Variants in MLIP observed in about 807,000 individuals in gnomAD.
The protein encoded by MLIP is muscular LMNA-interacting protein.
In MLIP, 79 loss-of-function variants were observed where a neutral mutation model predicts 84.8. The ratio of observed to expected loss-of-function variants is 0.93; its 90% confidence interval spans 0.78 to 1.12. The LOEUF (loss-of-function observed/expected upper bound fraction) is 1.12, where lower values mean the gene tolerates loss of function less well. MLIP is among the 50% of genes most tolerant of loss of function. MLIP has a pLI of 0.00. For missense variants in MLIP, 1,257 were observed against 1,160.6 expected (o/e 1.08, Z -1.21); for synonymous variants, 504 against 463.0 (o/e 1.09, Z -1.14).
At chr6:54,026,076 G>A (rs1763784890) in intron 1 of MLIP, among the ~76,000 whole-genome samples, 1 of 152,162 alleles carries the variant, frequency 6.6e-6, no homozygotes, top group Non-Finnish European at 1.5e-5. Context: ...GAAGGCAACT[G>A]GAGGGAATTC....
intron 1 of MLIP, among the ~76,000 whole-genome samples, chr6:54,020,122 G>A (rs1295399189): frequency 1.3e-5 from 2 of 152,164 alleles, no homozygotes; most frequent in Non-Finnish European, 2.9e-5. Flanking sequence ...GCTAACCAGG[G>A]ATTTTGAATC....
intron 11 of MLIP, 129 bp downstream of exon 11, chr6:54,202,362 G>A (rs988803378): frequency 2.4e-4 from 98 of 406,934 alleles, no homozygotes; most frequent in Non-Finnish European, 3.3e-4. Context: ...GTATGCGTAA[G>A]AACATGTTCA....
intron 4 of MLIP, among the ~76,000 whole-genome samples, chr6:54,141,394 C>T (rs746164437): frequency 2.0e-5 from 3 of 148,422 alleles, no homozygotes; most frequent in Non-Finnish European, 4.4e-5. Flanking sequence ...GCAACCTCTG[C>T]CTCCTGGGTT....
chr6:54,132,848 G>A (rs1246210297), intron 3 of MLIP, among the ~76,000 whole-genome samples: 2 of 152,136 alleles, frequency 1.3e-5, no homozygotes, highest in African/African-American at 2.4e-5. Context: ...CTCAGCTTGC[G>A]CCCTTGTACA....
intron 9 of MLIP, among the ~76,000 whole-genome samples, chr6:54,188,911 T>C (rs1290741582): frequency 6.6e-6 from 1 of 152,184 alleles, no homozygotes; most frequent in Non-Finnish European, 1.5e-5. Flanking sequence ...ACAACATTTA[T>C]GCCAACAACA....
At chr6:54,042,041 A>G (rs1197418011) in intron 1 of MLIP, among the ~76,000 whole-genome samples, 1 of 152,032 alleles carries the variant, frequency 6.6e-6, no homozygotes, top group African/African-American at 2.4e-5. Flanking sequence ...TAATTCATAT[A>G]GGGTTTGTGG....
intron 11 of MLIP, among the ~76,000 whole-genome samples, chr6:54,210,779 G>A (rs1779398426): frequency 6.7e-6 from 1 of 150,132 alleles, no homozygotes. Flanking sequence ...CATCCTAAGT[G>A]GAATTTAATT....
At chr6:54,205,893 T>C (rs1311816859) in intron 11 of MLIP, among the ~76,000 whole-genome samples, 9 of 152,238 alleles carry the variant, frequency 5.9e-5, no homozygotes, top group African/African-American at 2.2e-4. Flanking sequence ...TGCCAATTTG[T>C]GGTGCTTTTC....
chr6:54,100,221 A>T (rs1768540386), intron 1 of MLIP, among the ~76,000 whole-genome samples: 1 of 152,104 alleles, frequency 6.6e-6, no homozygotes. Flanking sequence ...TGTTTTCTTT[A>T]TGGAAGTGAT....
At chr6:54,204,068 A>G (rs1322233636) in intron 11 of MLIP, among the ~76,000 whole-genome samples, 1 of 152,226 alleles carries the variant, frequency 6.6e-6, no homozygotes, top group Admixed American at 6.5e-5. Flanking sequence ...GTTTTTATTT[A>G]CAAAATTCAG....
chr6:54,253,520 C>T (rs1782783203), intron 12 of MLIP, among the ~76,000 whole-genome samples: 1 of 152,156 alleles, frequency 6.6e-6, no homozygotes, highest in South Asian at 2.1e-4. Flanking sequence ...AGAACTGTTT[C>T]ACAAAAGCTA....
intron 8 of MLIP, among the ~76,000 whole-genome samples, 191 bp downstream of exon 8, chr6:54,160,990 T>A (rs889752429): frequency 6.6e-6 from 1 of 152,102 alleles, no homozygotes; most frequent in African/African-American, 2.4e-5. Context: ...TTGTTGACAT[T>A]TGTTTACATG....
intron 1 of MLIP, 113 bp from the exon 2 acceptor site, chr6:54,121,334 G>T: frequency 8.9e-7 from 1 of 1,129,256 alleles, no homozygotes. Flanking sequence ...CATGATCACA[G>T]GACAATAGGC....
intron 12 of MLIP, among the ~76,000 whole-genome samples, chr6:54,240,237 C>T (rs1227110567): frequency 1.3e-5 from 2 of 152,196 alleles, no homozygotes; most frequent in Non-Finnish European, 2.9e-5. Context: ...CAGCTTTATA[C>T]ATTTTTTAGC....
intron 12 of MLIP, among the ~76,000 whole-genome samples, chr6:54,233,866 CT>C (rs1336496895): frequency 6.6e-6 from 1 of 152,108 alleles, no homozygotes; most frequent in African/African-American, 2.4e-5. Context: ...CTGTTGTTTC[CT>C]GACTTTTTAA....
intron 13 of MLIP, among the ~76,000 whole-genome samples, chr6:54,260,628 G>A (rs904437191): frequency 6.6e-6 from 1 of 152,066 alleles, no homozygotes; most frequent in Non-Finnish European, 1.5e-5. Context: ...AGAATTTGTT[G>A]CAGTGAATGA....
intron 11 of MLIP, among the ~76,000 whole-genome samples, chr6:54,225,015 A>G (rs1158113089): frequency 6.6e-6 from 1 of 152,172 alleles, no homozygotes; most frequent in Non-Finnish European, 1.5e-5. Context: ...GGTTGGTTCC[A>G]TGATTTTGCA....
At chr6:54,090,661 A>ATGTG (rs145816939) in intron 1 of MLIP, among the ~76,000 whole-genome samples, 9,953 of 147,170 alleles carry the variant, frequency 0.068, 399 homozygotes, top group African/African-American at 0.12. Context: ...GTGTGTGTGT[A>ATGTG]TGTGTGTGTG....
rs780524868 is a variant in MLIP, at chr6:54,149,143, A to G, written c.2289+16A>G. The G allele has an allele frequency of 1.9e-6, 3 of 1,596,548 alleles. No homozygotes were observed. The highest frequency in any genetic ancestry group is 1.7e-4 in the Middle Eastern group (1 of 6,014). ...GGAACAGAAGGTCAGTGTTGGCTCA[A>G]AAACAGTGAATTTTACATTTTTAAT... On this transcript the variant is annotated intron_variant, in intron 5 of 13. Transcript: ENST00000502396.
Sources: allele counts gnomAD v4.1 joint callset (sites outside exome capture counted in the v4.1 genomes callset), GRCh38; gene constraint gnomAD v4.1.1; transcripts MANE v1.5; gene names NCBI Gene and HGNC (gene_info 2026-07-23, HGNC 2026-07-21).